The following SGPP2 variants were observed in gnomAD, a reference collection of about 807,000 sequenced individuals.
SGPP2 encodes the protein sphingosine 1-phosphate phosphohydrolase 2.
A neutral mutation model predicts 33.9 loss-of-function variants in SGPP2; 30 were observed. The observed-to-expected ratio is 0.89, with a 90% CI of 0.66 to 1.20. The LOEUF (loss-of-function observed/expected upper bound fraction) is 1.20, where lower values mean the gene tolerates loss of function less well. SGPP2 is among the 50% of genes most tolerant of loss of function. The pLI, the probability that SGPP2 is intolerant of heterozygous loss-of-function variation, is 0.00. For synonymous variants in SGPP2, 233 were observed against 225.0 expected (o/e 1.04, Z -0.32); for missense variants, 458 against 532.1 (o/e 0.86, Z 1.37).
chr2:222,476,324 C>G lies in SGPP2; in HGVS notation c.378+1598C>G, dbSNP rs567104972. ...GGGCCAGGGTGAGGGGTGGCAAGGG[C>G]GGGGTATCCACACAAATTCTTCACC... On this transcript the variant is annotated intron_variant, in intron 2 of 4. Transcript: ENST00000321276. The surrounding 1 kb of genome is among the most constrained non-coding windows in gnomAD (Gnocchi z 4.3). Among the ~76,000 whole-genome samples the G allele has an allele frequency of 1.3e-5, 2 of 151,968 alleles. No individual in the cohort carries two copies. Among genetic ancestry groups the G allele is most frequent in the Non-Finnish European group, 2.9e-5 (2 of 67,994 alleles).
chr2:222,530,760 CT>C (rs1698825795), intron 4 of SGPP2, among the ~76,000 whole-genome samples: 1 of 152,222 alleles, frequency 6.6e-6, no homozygotes, highest in African/African-American at 2.4e-5. Context: ...CCTTCAAGAA[CT>C]TTTCCATTCC....
intron 2 of SGPP2, among the ~76,000 whole-genome samples, chr2:222,494,047 C>T (rs2106112611): frequency 6.6e-6 from 1 of 152,264 alleles, no homozygotes; most frequent in Non-Finnish European, 1.5e-5. Context: ...ATTCTATTTC[C>T]CTATTCCCAC....
intron 3 of SGPP2, among the ~76,000 whole-genome samples, chr2:222,524,054 A>G (rs1293878476): frequency 1.3e-5 from 2 of 152,174 alleles, no homozygotes; most frequent in Non-Finnish European, 2.9e-5. Context: ...TCTGAACCCC[A>G]AGCTCCTGTT....
intron 1 of SGPP2, among the ~76,000 whole-genome samples, chr2:222,456,354 G>A (rs548373175): frequency 6.6e-6 from 1 of 152,300 alleles, no homozygotes; most frequent in Admixed American, 6.5e-5. Context: ...CATATTGGGA[G>A]CCACTAGCCT....
intron 1 of SGPP2, among the ~76,000 whole-genome samples, chr2:222,429,431 A>G (rs895848775): frequency 6.6e-6 from 1 of 152,236 alleles, no homozygotes; most frequent in African/African-American, 2.4e-5. Context: ...TACATCTGAA[A>G]TGACAAAATG....
intron 2 of SGPP2, among the ~76,000 whole-genome samples, chr2:222,500,133 A>C (rs1574863233): frequency 3.9e-5 from 6 of 152,166 alleles, no homozygotes. Flanking sequence ...CACATAAGGA[A>C]GAAGGTTGAG....
chr2:222,526,780 A>C (rs1698764808), intron 4 of SGPP2, among the ~76,000 whole-genome samples: 1 of 152,178 alleles, frequency 6.6e-6, no homozygotes, highest in Non-Finnish European at 1.5e-5. Flanking sequence ...ACCTAACACC[A>C]CATGTTCTCA....
At chr2:222,480,412 A>G (rs1698011767) in intron 2 of SGPP2, among the ~76,000 whole-genome samples, 1 of 152,242 alleles carries the variant, frequency 6.6e-6, no homozygotes, top group South Asian at 2.1e-4. Flanking sequence ...GAGATGTAGA[A>G]AAAATGAGAT....
chr2:222,511,543 A>G (rs1190928990), intron 2 of SGPP2, among the ~76,000 whole-genome samples: 1 of 152,198 alleles, frequency 6.6e-6, no homozygotes, highest in African/African-American at 2.4e-5. Flanking sequence ...ATGATGGATG[A>G]TGGAACTTAA....
At chr2:222,502,490 A>G (rs1171705962) in intron 2 of SGPP2, among the ~76,000 whole-genome samples, 2 of 152,246 alleles carry the variant, frequency 1.3e-5, no homozygotes, top group East Asian at 3.8e-4. Flanking sequence ...TAGCATTCCT[A>G]ATCTGAAAAT....
At position 222,468,508 on chromosome 2, in the gene SGPP2, T is replaced by C. The variant is rs868404722; in HGVS notation, c.220-6060T>C. ...AATTGACTTCCCCAAGGTCACACTT[T>C]GTTTTGACTGAAAGCTATTTCTTGT... On this transcript the variant is annotated intron_variant, in intron 1 of 4. Coordinates refer to ENST00000321276, the MANE Select transcript of SGPP2 (RefSeq NM_152386.4). Among the ~76,000 whole-genome samples, 30 of 152,348 alleles carry C rather than the reference T, an allele frequency of 2.0e-4. 1 individual carries two copies. The Middle Eastern group carries it at 0.014, about 69-fold the overall frequency.
rs1474627983 is a variant in SGPP2 at position 222,561,485 on chromosome 2, T to C, written c.*2587T>C. On this transcript the variant is annotated 3_prime_UTR_variant, in exon 5 of 5. Coordinates refer to ENST00000321276, the MANE Select transcript of SGPP2 (RefSeq NM_152386.4). ...TTAAAAAGAGGGATTGTGATCATTG[T>C]CACAGAGTGGGTGCTGGCCTCTCAT... 6.6e-6 allele frequency among the ~76,000 whole-genome samples: 1 copy of C among 151,324 alleles called. No homozygotes were observed. The highest frequency in any genetic ancestry group is 1.5e-5 in the Non-Finnish European group (1 of 67,894).
chr2:222,426,268 G>C (rs972764653), intron 1 of SGPP2, among the ~76,000 whole-genome samples: 12 of 139,274 alleles, frequency 8.6e-5, no homozygotes, highest in African/African-American at 3.2e-4. Flanking sequence ...ACAAAAAACA[G>C]TCCCATGGCT....
intron 2 of SGPP2, among the ~76,000 whole-genome samples, chr2:222,488,025 C>T (rs955089706): frequency 6.6e-6 from 1 of 152,168 alleles, no homozygotes; most frequent in South Asian, 2.1e-4. Context: ...TAGCTCAGAA[C>T]ACACATTCAG....
At chr2:222,454,019 A>G (rs1397171210) in intron 1 of SGPP2, among the ~76,000 whole-genome samples, 3 of 152,256 alleles carry the variant, frequency 2.0e-5, no homozygotes, top group African/African-American at 7.2e-5. Context: ...TAAGCGTGCT[A>G]GAGAACATTT....
At chr2:222,506,177 C>A (rs554179119) in intron 2 of SGPP2, among the ~76,000 whole-genome samples, 1 of 152,150 alleles carries the variant, frequency 6.6e-6, no homozygotes, top group Non-Finnish European at 1.5e-5. Flanking sequence ...CACTGCATAA[C>A]GCTAATCACC....
intron 4 of SGPP2, among the ~76,000 whole-genome samples, chr2:222,557,172 C>T (rs1483540942): frequency 1.3e-5 from 2 of 152,188 alleles, no homozygotes; most frequent in African/African-American, 4.8e-5. Context: ...ATCAAGATCC[C>T]TCACTGGCCT....
chr2:222,438,516 G>A (rs1697278273), intron 1 of SGPP2, among the ~76,000 whole-genome samples: 1 of 152,244 alleles, frequency 6.6e-6, no homozygotes, highest in Non-Finnish European at 1.5e-5. Flanking sequence ...CCAGCTGAAG[G>A]CAAGTTGCTT....
At position 222,451,140 on chromosome 2, in the gene SGPP2, G is replaced by GAAAA. The variant is rs5838950; in HGVS notation, c.220-23415_220-23412dup. 1.4e-4 allele frequency among the ~76,000 whole-genome samples: 18 copies of GAAAA among 131,156 alleles called. No homozygotes were observed. In the South Asian group the frequency reaches 3.8e-3, roughly 28 times the overall value. The allele number at this position is 131,156 out of a possible 152,430, so 86.0% of individuals were successfully genotyped here. ...AATGAATAAAAACCATACAAAAAGA[G>GAAAA]AAAAAAAAAAAAAAAACTGCAATCA... On this transcript the variant is annotated intron_variant, in intron 1 of 4. Transcript: ENST00000321276.
Sources: allele counts gnomAD v4.1 joint callset (sites outside exome capture counted in the v4.1 genomes callset), GRCh38; gene constraint gnomAD v4.1.1; non-coding constraint Gnocchi (gnomAD v3.1); transcripts MANE v1.5; gene names NCBI Gene and HGNC (gene_info 2026-07-23, HGNC 2026-07-21).